Variants in STK3 observed in about 807,000 individuals in gnomAD.
The protein encoded by STK3 is serine/threonine-protein kinase 3.
In STK3, 41 loss-of-function variants were observed where a neutral mutation model predicts 58.0. The ratio of observed to expected loss-of-function variants is 0.71; its 90% confidence interval spans 0.55 to 0.92. STK3 has a LOEUF of 0.92. Among genes scored for constraint, STK3 ranks in the 40% least tolerant of loss-of-function variants. The pLI is 0.00. For synonymous variants in STK3, 170 were observed against 191.0 expected, an observed-to-expected ratio of 0.89 and a Z score of 0.91; for missense variants, 479 against 602.7, an observed-to-expected ratio of 0.79 and a Z score of 2.15.
At chr8:98,418,515 T>A (rs1469716001) in intron 3 of STK3, among the ~76,000 whole-genome samples, 1 of 151,914 alleles carries the variant, frequency 6.6e-6, no homozygotes, top group Non-Finnish European at 1.5e-5. Flanking sequence ...GGTAGGTGGG[T>A]GGGCAGGTGT....
chr8:98,875,223 C>T (rs748184752), intron 3 of STK3: 3 of 152,114 alleles, frequency 2.0e-5, no homozygotes, highest in Admixed American at 2.0e-4. Context: ...GACCAGAGAT[C>T]AAAAACTCAA....
intron 6 of STK3, chr8:98,598,783 G>T: frequency 1.0e-6 from 1 of 985,324 alleles, no homozygotes; most frequent in South Asian, 4.7e-5. Context: ...TAAAATAAAT[G>T]ACATGATTAT....
At chr8:98,546,139 T>C (rs1297185703) in intron 9 of STK3, among the ~76,000 whole-genome samples, 4 of 152,174 alleles carry the variant, frequency 2.6e-5, no homozygotes, top group Non-Finnish European at 4.4e-5. Flanking sequence ...ACTTATCTGT[T>C]CAACTTCAAA....
chr8:98,511,436 T>G (rs1053962855), intron 10 of STK3, among the ~76,000 whole-genome samples: 3 of 152,072 alleles, frequency 2.0e-5, no homozygotes, highest in African/African-American at 7.2e-5. Context: ...ATTTTAAATA[T>G]AGTCATACCT....
At chr8:98,615,083 A>G (rs1272654406) in intron 6 of STK3, among the ~76,000 whole-genome samples, 1 of 151,932 alleles carries the variant, frequency 6.6e-6, no homozygotes, top group Non-Finnish European at 1.5e-5. Context: ...TGAAGAGAGC[A>G]GTGGTTCTCC....
chr8:98,627,590 C>T (rs1818830453), intron 6 of STK3, among the ~76,000 whole-genome samples: 3 of 152,154 alleles, frequency 2.0e-5, no homozygotes, highest in South Asian at 4.2e-4. Context: ...ATACTCATGC[C>T]CCCACTGCCT....
At chr8:98,352,899 G>T in the STK3 span, among the ~76,000 whole-genome samples, 3 of 152,148 alleles carry the variant, frequency 2.0e-5, no homozygotes, top group African/African-American at 7.2e-5. Flanking sequence ...CTACTGTGCT[G>T]CTTAGTTACC....
At chr8:98,425,394 G>C (rs1818219185) in intron 3 of STK3, among the ~76,000 whole-genome samples, 2 of 152,238 alleles carry the variant, frequency 1.3e-5, no homozygotes, top group South Asian at 2.1e-4. Context: ...TGTGTTTGAG[G>C]GTAGGGCAGA....
At chr8:98,838,877 A>G (rs925795431) in intron 3 of STK3, among the ~76,000 whole-genome samples, 1 of 136,028 alleles carries the variant, frequency 7.4e-6, no homozygotes, top group African/African-American at 2.8e-5. Flanking sequence ...TCCCGCCCCC[A>G]CCCTACCATC....
chr8:98,416,241 G>A (rs1030942820), intron 3 of STK3, among the ~76,000 whole-genome samples: 1 of 152,108 alleles, frequency 6.6e-6, no homozygotes, highest in Non-Finnish European at 1.5e-5. Context: ...AGCTGGATTT[G>A]GGCGATCAAG....
At chr8:98,669,247 G>A (rs532047875) in intron 6 of STK3, among the ~76,000 whole-genome samples, 32 of 152,028 alleles carry the variant, frequency 2.1e-4, no homozygotes, top group African/African-American at 5.8e-4. Flanking sequence ...CACCCACCTC[G>A]GCCTCCCAAA....
At chr8:98,420,800 C>G (rs1392942303) in intron 3 of STK3, among the ~76,000 whole-genome samples, 1 of 152,266 alleles carries the variant, frequency 6.6e-6, no homozygotes, top group African/African-American at 2.4e-5. Flanking sequence ...AAGCACTCAG[C>G]AATTGGCACT....
the STK3 span, among the ~76,000 whole-genome samples, chr8:98,363,040 T>C: frequency 6.6e-6 from 1 of 152,198 alleles, no homozygotes; most frequent in Non-Finnish European, 1.5e-5. Context: ...CAGGAAAGGC[T>C]CATGCATTCT....
intron 8 of STK3, among the ~76,000 whole-genome samples, chr8:98,565,973 C>T (rs1326936507): frequency 2.6e-5 from 4 of 152,170 alleles, no homozygotes; most frequent in Non-Finnish European, 4.4e-5. Context: ...TTTAACAACA[C>T]TTAAACTAAC....
intron 1 of STK3, among the ~76,000 whole-genome samples, chr8:98,933,481 T>C (rs915265499): frequency 1.3e-5 from 2 of 152,230 alleles, no homozygotes; most frequent in Admixed American, 6.5e-5. Context: ...TCCTTTTTCT[T>C]TTTAGCAGAG....
intron 6 of STK3, among the ~76,000 whole-genome samples, chr8:98,704,660 AATAATGT>A (rs1240180498): frequency 6.6e-6 from 1 of 152,128 alleles, no homozygotes; most frequent in East Asian, 1.9e-4. Flanking sequence ...GTATATTTTT[AATAATGT>A]ATAATGTATT....
chr8:98,928,749 T>C (rs1261954940), intron 1 of STK3, among the ~76,000 whole-genome samples: 2 of 152,200 alleles, frequency 1.3e-5, no homozygotes, highest in African/African-American at 4.8e-5. Context: ...AAAAAAATTA[T>C]AATAAGTTGC....
intron 1 of STK3, chr8:98,439,337 A>C (rs1818609246): frequency 1.3e-5 from 2 of 152,166 alleles, no homozygotes; most frequent in South Asian, 4.2e-4. Flanking sequence ...ACATAGCTGC[A>C]TCAAGAGTCA....
At chr8:98,509,416 T>C (rs927678772) in intron 10 of STK3, among the ~76,000 whole-genome samples, 8 of 152,034 alleles carry the variant, frequency 5.3e-5, no homozygotes, top group Non-Finnish European at 1.0e-4. Flanking sequence ...CTGTTTTATA[T>C]AAACTACAAA....
Sources: gnomAD v4.1 joint callset for allele counts (sites outside exome capture counted in the v4.1 genomes callset) on GRCh38, gnomAD v4.1.1 for gene constraint, MANE v1.5 for transcripts, NCBI Gene and HGNC (gene_info 2026-07-23, HGNC 2026-07-21) for gene names.